RIC1: variants seen among roughly 807,000 people sequenced by gnomAD.
RIC1 encodes the protein RIC1 partner of RAB6A GEF complex, also known as guanine nucleotide exchange factor subunit RIC1.
In RIC1, 88 loss-of-function variants were observed where a neutral mutation model predicts 169.0. The ratio of observed to expected loss-of-function variants is 0.52; its 90% CI spans 0.44 to 0.62. The LOEUF (loss-of-function observed/expected upper bound fraction) is 0.62. Ranked by LOEUF, RIC1 falls within the 20% of genes least tolerant of loss-of-function variation. RIC1 has a pLI of 0.00. For synonymous variants in RIC1, 790 were observed against 601.5 expected (o/e 1.31, Z -4.59); for missense variants, 1,877 against 1,725.5 (o/e 1.09, Z -1.56).
intron 2 of RIC1, among the ~76,000 whole-genome samples, chr9:5,680,253 T>C (rs1266191570): frequency 1.3e-5 from 2 of 152,242 alleles, no homozygotes; most frequent in African/African-American, 2.4e-5. Context: ...CAGTATTTTA[T>C]TGAGGATTTT....
At chr9:5,680,428 C>G (rs1820746377) in intron 2 of RIC1, among the ~76,000 whole-genome samples, 1 of 152,178 alleles carries the variant, frequency 6.6e-6, no homozygotes, top group African/African-American at 2.4e-5. Flanking sequence ...ACCATCTCTT[C>G]CTTGTACCTC....
At chr9:5,764,901 T>C (rs911932609) in intron 19 of RIC1, among the ~76,000 whole-genome samples, 1 of 152,182 alleles carries the variant, frequency 6.6e-6, no homozygotes, top group Non-Finnish European at 1.5e-5. Context: ...AAGACCAAGA[T>C]AGGCAGGTTA....
At chr9:5,753,676 TTC>T in intron 14 of RIC1, 30 bp downstream of exon 14, 1 of 1,162,398 alleles carries the variant, frequency 8.6e-7, no homozygotes, top group Non-Finnish European at 1.3e-6. Context: ...AAAAACCTAT[TTC>T]TCAAAGTATA....
chr9:5,697,067 G>T (rs1821948045), intron 3 of RIC1, among the ~76,000 whole-genome samples: 1 of 152,178 alleles, frequency 6.6e-6, no homozygotes, highest in Non-Finnish European at 1.5e-5. Flanking sequence ...GTCATTCTTT[G>T]CCTGTATTTG....
chr9:5,769,922 T>C (rs1225012897), intron 22 of RIC1, among the ~76,000 whole-genome samples, 165 bp from the exon 23 acceptor site: 1 of 152,214 alleles, frequency 6.6e-6, no homozygotes, highest in Non-Finnish European at 1.5e-5. Flanking sequence ...CACAATCCCA[T>C]GTCTCTAGTT....
chr9:5,636,475 A>G (rs1016059320), intron 1 of RIC1, among the ~76,000 whole-genome samples: 5 of 152,068 alleles, frequency 3.3e-5, no homozygotes, highest in African/African-American at 9.7e-5. Flanking sequence ...GCCTGCCACC[A>G]TACCCGGCTA....
In RIC1 at chr9:5,694,301, T is replaced by C. The variant is rs191142465; in HGVS notation, c.332+4263T>C. Among the ~76,000 whole-genome samples the C allele has an allele frequency of 1.9e-4, 29 of 152,306 alleles. No homozygotes were observed. In the East Asian group the frequency reaches 5.6e-3, roughly 29 times the overall value. ...AGACTCATGAAAGTTTCCCTCAATA[T>C]ATGTTTCTTTTTGCTAATATGTTGT... On this transcript the variant is annotated intron_variant, in intron 3 of 25. Coordinates refer to ENST00000414202, the MANE Select transcript of RIC1 (RefSeq NM_020829.4).
At chr9:5,694,613 T>A (rs1014649695) in intron 3 of RIC1, among the ~76,000 whole-genome samples, 11 of 152,210 alleles carry the variant, frequency 7.2e-5, no homozygotes, top group African/African-American at 2.2e-4. Context: ...TTGGCAACAG[T>A]GTTATTATAT....
intron 14 of RIC1, among the ~76,000 whole-genome samples, chr9:5,754,476 C>T (rs902945480): frequency 6.6e-6 from 1 of 152,152 alleles, no homozygotes; most frequent in East Asian, 1.9e-4. Context: ...CGCCTGTAAT[C>T]CCAGCACTTT....
At position 5,640,586 on chromosome 9, in the gene RIC1, T is replaced by C. The variant is rs553913940; in HGVS notation, c.144+11133T>C. ...AAATAAGAATCATTGTTAGGTTATT[T>C]ATTTGAAGTTACAGAATAAGAGTGT... On this transcript the variant is annotated intron_variant, in intron 1 of 25. Transcript: ENST00000414202. Among the ~76,000 whole-genome samples, 6 of 152,324 alleles carry C rather than the reference T, an allele frequency of 3.9e-5. No homozygotes were observed. In the South Asian group the frequency reaches 1.2e-3, roughly 32 times the overall value.
intron 3 of RIC1, among the ~76,000 whole-genome samples, chr9:5,693,470 A>G (rs1418683006): frequency 6.6e-6 from 1 of 152,148 alleles, no homozygotes; most frequent in South Asian, 2.1e-4. Flanking sequence ...GTGACTCTGT[A>G]CCTCAAAGAT....
At position 5,684,274 on chromosome 9, in the gene RIC1, ACCCCCCCCCCCCCCCCCCC is replaced by A. The variant is rs71326181; in HGVS notation, c.253-5676_253-5658del. ...GTTCCTATTTGGCCATCTTGGCTCC[ACCCCCCCCCCCCCCCCCCC>A]CCCCCCCCGCCATCTCATCAATTTA... On this transcript the variant is annotated intron_variant, in intron 2 of 25. Coordinates refer to ENST00000414202, the MANE Select transcript of RIC1 (RefSeq NM_020829.4). Among the ~76,000 whole-genome samples the A allele has an allele frequency of 7.4e-3, 57 of 7,668 alleles. 6 individuals are homozygous for A. The highest frequency in any genetic ancestry group is 0.014 in the African/African-American group (51 of 3,538). The allele number at this position is 7,668 out of a possible 152,430, so 5.0% of individuals were successfully genotyped here.
intron 2 of RIC1, among the ~76,000 whole-genome samples, chr9:5,670,804 A>G (rs1820044114): frequency 6.6e-6 from 1 of 152,170 alleles, no homozygotes; most frequent in African/African-American, 2.4e-5. Context: ...TTATTATTCA[A>G]ATAAGTCTTC....
intron 1 of RIC1, among the ~76,000 whole-genome samples, chr9:5,646,626 C>T (rs1040811398): frequency 6.6e-6 from 1 of 152,070 alleles, no homozygotes; most frequent in Admixed American, 6.6e-5. Context: ...TGTAGTAGGC[C>T]ATAACGTCTA....
At chr9:5,750,803 G>C (rs1825678023) in intron 12 of RIC1, among the ~76,000 whole-genome samples, 1 of 151,334 alleles carries the variant, frequency 6.6e-6, no homozygotes, top group South Asian at 2.1e-4. Context: ...CCTTACTTCT[G>C]CCATTCCCTT....
Position 5,629,235 on chromosome 9 carries a change from G to C in RIC1, c.-75G>C, listed in dbSNP as rs1817596535. ...CCGCCGACTCGGCCGGTGGCGGTGT[G>C]GGAGGTGGGCGACCAGCCCGGGGCC... On this transcript the variant is annotated 5_prime_UTR_variant, in exon 1 of 26. Coordinates refer to ENST00000414202, the MANE Select transcript of RIC1 (RefSeq NM_020829.4). The C allele has an allele frequency of 1.6e-6, 2 of 1,281,710 alleles. No individual in the cohort carries two copies. The highest frequency in any genetic ancestry group is 9.9e-7 in the Non-Finnish European group (1 of 1,009,650). The allele number at this position is 1,281,710 out of a possible 1,614,324, so 79.4% of individuals were successfully genotyped here.
chr9:5,690,416 T>G (rs1419394055), intron 3 of RIC1, among the ~76,000 whole-genome samples: 2 of 152,192 alleles, frequency 1.3e-5, no homozygotes, highest in Non-Finnish European at 2.9e-5. Flanking sequence ...AAAAAGAACC[T>G]CAGACAGTTA....
downstream of RIC1, among the ~76,000 whole-genome samples, chr9:5,778,236 A>G (rs1392171056): frequency 6.6e-6 from 1 of 152,240 alleles, no homozygotes; most frequent in Non-Finnish European, 1.5e-5. Flanking sequence ...GTATATAAAT[A>G]CAATTGCTTC....
At chr9:5,761,224 C>T (rs1006948002) in intron 17 of RIC1, among the ~76,000 whole-genome samples, 2 of 149,142 alleles carry the variant, frequency 1.3e-5, no homozygotes, top group African/African-American at 4.9e-5. Flanking sequence ...AGTGATTCTC[C>T]TGCCTCAGCC....
Sources: gnomAD v4.1 joint callset for allele counts (sites outside exome capture counted in the v4.1 genomes callset) on GRCh38, gnomAD v4.1.1 for gene constraint, MANE v1.5 for transcripts, NCBI Gene and HGNC (gene_info 2026-07-23, HGNC 2026-07-21) for gene names.